Variants in MBTD1 observed in about 807,000 individuals in gnomAD.
MBTD1 encodes MBT domain-containing protein 1.
In MBTD1, 24 loss-of-function variants were observed where a neutral mutation model predicts 87.8. The ratio of observed to expected loss-of-function variants is 0.27; its 90% CI spans 0.20 to 0.38. The LOEUF is 0.38. MBTD1 is among the 10% of genes least tolerant of loss of function. The pLI is 1.00. For missense variants in MBTD1, 436 were observed against 760.2 expected, an observed-to-expected ratio of 0.57 and a Z score of 5.02; for synonymous variants, 237 against 248.6, an observed-to-expected ratio of 0.95 and a Z score of 0.44.
chr17:51,186,166 T>G (rs1365522962), intron 16 of MBTD1: 1 of 152,668 alleles, frequency 6.6e-6, no homozygotes, highest in Admixed American at 6.5e-5. Flanking sequence ...CCACCTGTCA[T>G]GGGCAGGCTC....
chr17:51,252,016 C>T (rs1330147336), intron 2 of MBTD1, among the ~76,000 whole-genome samples: 8 of 152,236 alleles, frequency 5.3e-5, no homozygotes, highest in Non-Finnish European at 1.0e-4. Flanking sequence ...TGGCCCACTT[C>T]GGCCTCCCAA....
At chr17:51,220,553 A>G in intron 3 of MBTD1, 90 bp from the exon 4 acceptor site, 3 of 1,266,932 alleles carry the variant, frequency 2.4e-6, no homozygotes, top group South Asian at 3.1e-5. Flanking sequence ...CTGCCATCTG[A>G]AAGTTTTAAT....
chr17:51,187,122 T>C (rs2050573676), intron 16 of MBTD1, among the ~76,000 whole-genome samples: 1 of 152,048 alleles, frequency 6.6e-6, no homozygotes, highest in African/African-American at 2.4e-5. Flanking sequence ...ATCTGATTTA[T>C]TCTGAAACAA....
In MBTD1 at chr17:51,225,016, G is replaced by C. The variant is rs2053130380; in HGVS notation, c.146C>G (p.Ser49Cys). 1 of 1,546,358 alleles carries C rather than the reference G, an allele frequency of 6.5e-7. No homozygotes were observed. Among genetic ancestry groups the C allele is most frequent in the Non-Finnish European group, 8.7e-7 (1 of 1,144,202 alleles). Residue 49 changes from serine (S) to cysteine (C), a missense_variant, in exon 3 of 17, where the codon TCT becomes TGT. Physicochemically the swap from Ser to Cys is moderately radical, Grantham distance 112. Around this residue, in one of 5 missense-constraint regions of MBTD1, gnomAD observed 18 missense variants for 107.8 expected, o/e 0.17. Transcript: ENST00000586178. ...AGGTTATAAATACTCACCCATGCCA[G>C]ATTTACCATCTGGGTATGTGTAGAC... ...GQVYTYPDGK[S>C]GMATCEMCGM...
chr17:51,200,813 G>A (rs566650613), intron 12 of MBTD1, among the ~76,000 whole-genome samples: 1 of 150,364 alleles, frequency 6.7e-6, no homozygotes. Context: ...GCAGTGAGCT[G>A]AGATCATGCC....
At chr17:51,208,664 T>C (rs2051996711) in intron 6 of MBTD1, among the ~76,000 whole-genome samples, 1 of 152,144 alleles carries the variant, frequency 6.6e-6, no homozygotes, top group Non-Finnish European at 1.5e-5. Flanking sequence ...AATCTGTGAA[T>C]TGGGTTTATT....
chr17:51,231,860 A>T (rs556327550), intron 2 of MBTD1, among the ~76,000 whole-genome samples: 1 of 151,822 alleles, frequency 6.6e-6, no homozygotes, highest in East Asian at 1.9e-4. Flanking sequence ...GACTTATCTA[A>T]GTTTTTTTTT....
intron 16 of MBTD1, among the ~76,000 whole-genome samples, chr17:51,182,509 T>C (rs1163559111): frequency 2.0e-5 from 3 of 152,168 alleles, no homozygotes; most frequent in African/African-American, 7.2e-5. Flanking sequence ...GAAAAGTAGA[T>C]AGACTTGGAA....
At chr17:51,219,629 G>A (rs2052771298) in intron 4 of MBTD1, among the ~76,000 whole-genome samples, 1 of 152,012 alleles carries the variant, frequency 6.6e-6, no homozygotes, top group Admixed American at 6.6e-5. Flanking sequence ...TTAATTTGGA[G>A]GATTTAAATA....
intron 8 of MBTD1, 48 bp downstream of exon 8, chr17:51,203,743 A>G (rs1159263737): frequency 5.8e-6 from 9 of 1,559,108 alleles, no homozygotes; most frequent in Admixed American, 1.9e-5. Flanking sequence ...AAATAGCATT[A>G]AAGTACACAT....
intron 3 of MBTD1, 76 bp from the exon 4 acceptor site, chr17:51,220,539 T>G: frequency 7.6e-7 from 1 of 1,312,776 alleles, no homozygotes; most frequent in South Asian, 1.5e-5. Context: ...TTAAATAATT[T>G]CTCCTGCCAT....
At chr17:51,204,811 T>C (rs142484214) in intron 7 of MBTD1, among the ~76,000 whole-genome samples, 1 of 152,316 alleles carries the variant, frequency 6.6e-6, no homozygotes, top group Non-Finnish European at 1.5e-5. Context: ...TTGAAATGTA[T>C]TTCAAAGAAA....
At chr17:51,248,869 T>C (rs2054607159) in intron 2 of MBTD1, among the ~76,000 whole-genome samples, 1 of 152,210 alleles carries the variant, frequency 6.6e-6, no homozygotes, top group African/African-American at 2.4e-5. Context: ...TTTTGCTTTT[T>C]GAATTTGTTT....
chr17:51,205,014 A>G (rs2051736979), intron 7 of MBTD1, among the ~76,000 whole-genome samples: 1 of 152,194 alleles, frequency 6.6e-6, no homozygotes, highest in African/African-American at 2.4e-5. Context: ...AGGAAGGCTT[A>G]CTCTTGGAAA....
intron 2 of MBTD1, among the ~76,000 whole-genome samples, chr17:51,241,825 C>T (rs1049532805): frequency 6.6e-6 from 1 of 152,178 alleles, no homozygotes; most frequent in Non-Finnish European, 1.5e-5. Flanking sequence ...CTTGGCTTCG[C>T]AAAGTGCTAG....
chr17:51,207,966 A>G (rs930551092), intron 6 of MBTD1, among the ~76,000 whole-genome samples: 1 of 152,238 alleles, frequency 6.6e-6, no homozygotes, highest in Non-Finnish European at 1.5e-5. Context: ...TGAGGTTATA[A>G]AAGACTTGAT....
chr17:51,211,393 G>A (rs955391062), intron 6 of MBTD1, among the ~76,000 whole-genome samples: 4 of 151,782 alleles, frequency 2.6e-5, no homozygotes, highest in African/African-American at 9.7e-5. Context: ...TGTAGTCCCA[G>A]CTACTTGTGA....
upstream of MBTD1, chr17:51,260,418 T>A (rs1191518111): frequency 8.4e-6 from 6 of 712,254 alleles, no homozygotes; most frequent in East Asian, 1.8e-4. Flanking sequence ...CGGGGCTGGG[T>A]AGGGGAGCGG....
chr17:51,215,419 C>T (rs1057044102), intron 6 of MBTD1, among the ~76,000 whole-genome samples: 2 of 151,916 alleles, frequency 1.3e-5, no homozygotes, highest in African/African-American at 2.4e-5. Flanking sequence ...TTTTAATACC[C>T]TGACTACTTA....
Sources: allele counts gnomAD v4.1 joint callset (sites outside exome capture counted in the v4.1 genomes callset), GRCh38; gene constraint gnomAD v4.1.1; regional missense constraint gnomAD v4.1.1; transcripts MANE v1.5; gene names NCBI Gene and HGNC (gene_info 2026-07-23, HGNC 2026-07-21).